Variants in SYNDIG1 observed in about 807,000 individuals in gnomAD.
SYNDIG1 encodes the protein synapse differentiation inducing 1, also known as synapse differentiation-inducing gene protein 1.
In SYNDIG1, 9 loss-of-function variants were observed where a neutral mutation model predicts 19.4. The ratio of observed to expected loss-of-function variants is 0.46; its 90% CI spans 0.28 to 0.81. The LOEUF is 0.81. SYNDIG1 is among the 30% of genes least tolerant of loss of function. The probability of loss-of-function intolerance (pLI) is 0.12; values close to 1 mark genes in which losing one functional copy is unlikely to be tolerated. For missense variants in SYNDIG1, 311 were observed against 343.3 expected (o/e 0.91, Z 0.74); for synonymous variants, 141 against 145.9 (o/e 0.97, Z 0.24).
chr20:24,606,634 A>G (rs1033502996), intron 3 of SYNDIG1, among the ~76,000 whole-genome samples: 1 of 152,252 alleles, frequency 6.6e-6, no homozygotes, highest in African/African-American at 2.4e-5. Context: ...ACTGTAGCCC[A>G]GTTAATCCTT....
chr20:24,648,404 G>A (rs6049829), intron 3 of SYNDIG1, among the ~76,000 whole-genome samples: 100,628 of 152,170 alleles, frequency 0.66, 35,031 homozygotes, highest in African/African-American at 0.88. Flanking sequence ...TGTCCACTCT[G>A]ACTACTGAAT....
intron 3 of SYNDIG1, among the ~76,000 whole-genome samples, chr20:24,653,677 T>G (rs1364197917): frequency 6.6e-6 from 1 of 152,186 alleles, no homozygotes; most frequent in Non-Finnish European, 1.5e-5. Flanking sequence ...TGTCTCTATG[T>G]TAGTCTTCTA....
intron 1 of SYNDIG1, among the ~76,000 whole-genome samples, chr20:24,519,589 T>G (rs1268853579): frequency 6.6e-6 from 1 of 152,152 alleles, no homozygotes; most frequent in Non-Finnish European, 1.5e-5. Context: ...TCAAGTTTCT[T>G]TTTTACCCTC....
chr20:24,482,862 G>A (rs200706345), intron 1 of SYNDIG1, among the ~76,000 whole-genome samples: 1 of 152,300 alleles, frequency 6.6e-6, no homozygotes, highest in East Asian at 1.9e-4. Flanking sequence ...GTTATTCTCT[G>A]AGAGTTTAAA....
intron 3 of SYNDIG1, among the ~76,000 whole-genome samples, chr20:24,651,926 C>T (rs2059477997): frequency 6.6e-6 from 1 of 152,240 alleles, no homozygotes; most frequent in African/African-American, 2.4e-5. Context: ...GGAGCCATCT[C>T]AGGCACCCCA....
At chr20:24,556,051 G>A (rs562929797) in intron 2 of SYNDIG1, among the ~76,000 whole-genome samples, 191 of 152,110 alleles carry the variant, frequency 1.3e-3, no homozygotes, top group African/African-American at 4.4e-3. Context: ...TCCCTTTACC[G>A]TTACGTAATG....
intron 3 of SYNDIG1, among the ~76,000 whole-genome samples, chr20:24,629,614 A>G (rs2059210275): frequency 6.6e-6 from 1 of 151,960 alleles, no homozygotes; most frequent in African/African-American, 2.4e-5. Context: ...AAATAAGCCA[A>G]GGAAAGGAAG....
chr20:24,626,778 T>C (rs1490883543), intron 3 of SYNDIG1, among the ~76,000 whole-genome samples: 1 of 152,238 alleles, frequency 6.6e-6, no homozygotes. Context: ...CACTCCAGCC[T>C]GGGCACCATT....
rs982625058 is a variant in SYNDIG1 at position 24,658,927 on chromosome 20, G to A, written c.619-6419G>A. ...GCCATGCCCCAAGTGCCATGTAGAC[G>A]CAGCAAGTGGCACAGCCGAGCAGCA... is the stretch of plus-strand genomic sequence containing the variant. On this transcript the variant is annotated intron_variant, in intron 3 of 3. Coordinates refer to ENST00000376862, the MANE Select transcript of SYNDIG1 (RefSeq NM_024893.3). The surrounding 1 kb of genome is among the most constrained non-coding windows in gnomAD (Gnocchi z 4.4). 4.6e-5 allele frequency among the ~76,000 whole-genome samples: 7 copies of A among 152,156 alleles called. No homozygotes were observed. The highest frequency in any genetic ancestry group is 1.0e-4 in the Non-Finnish European group (7 of 68,024).
At chr20:24,555,723 A>C (rs1391986591) in intron 2 of SYNDIG1, among the ~76,000 whole-genome samples, 1 of 152,092 alleles carries the variant, frequency 6.6e-6, no homozygotes, top group East Asian at 1.9e-4. Context: ...CTTTACTTCC[A>C]AGTATGTGGT....
chr20:24,639,993 T>C (rs2059354799), intron 3 of SYNDIG1, among the ~76,000 whole-genome samples: 1 of 152,228 alleles, frequency 6.6e-6, no homozygotes, highest in African/African-American at 2.4e-5. Flanking sequence ...TAACACTACA[T>C]ATTTTTTCAG....
At chr20:24,621,080 C>T (rs1452483364) in intron 3 of SYNDIG1, among the ~76,000 whole-genome samples, 1 of 152,100 alleles carries the variant, frequency 6.6e-6, no homozygotes, top group African/African-American at 2.4e-5. Flanking sequence ...GTTGATAATG[C>T]TAAATGATAG....
At chr20:24,587,274 T>C (rs892501744) in intron 3 of SYNDIG1, among the ~76,000 whole-genome samples, 2 of 152,214 alleles carry the variant, frequency 1.3e-5, no homozygotes, top group African/African-American at 4.8e-5. Flanking sequence ...TGTATTTCCC[T>C]GTGGTAAAAC....
rs1232052832 is a variant in SYNDIG1, at chr20:24,519,285, A to G, written c.-78-23735A>G. Among the ~76,000 whole-genome samples the G allele has an allele frequency of 2.0e-5, 3 of 152,260 alleles. No individual in the cohort carries two copies. The East Asian group carries it at 5.8e-4, about 29-fold the overall frequency. On this transcript the variant is annotated intron_variant, in intron 1 of 3. Transcript: ENST00000376862. ...GTCATTTCTGAACCTTTTGTAATAA[A>G]GAAACTGTGCTTCCATATTGAAGAA...
rs1409950897 is a variant in SYNDIG1, at chr20:24,658,629, C to A, written c.619-6717C>A. Among the ~76,000 whole-genome samples the A allele has an allele frequency of 6.6e-6, 1 of 151,492 alleles. No homozygotes were observed. Among genetic ancestry groups the A allele is most frequent in the Admixed American group, 6.6e-5 (1 of 15,244 alleles). ...ATGACCCCCCACCCCCACCCCCCGGCGATTCACTGAATGTGAAATAGATTC... is the reference window on the plus strand; with the variant it reads ...ATGACCCCCCACCCCCACCCCCCGGAGATTCACTGAATGTGAAATAGATTC... On this transcript the variant is annotated intron_variant, in intron 3 of 3. Transcript: ENST00000376862. The surrounding 1 kb of genome is among the most constrained non-coding windows in gnomAD (Gnocchi z 4.4).
intron 1 of SYNDIG1, among the ~76,000 whole-genome samples, chr20:24,529,889 GGT>G (rs2057209218): frequency 1.3e-5 from 2 of 148,226 alleles, no homozygotes; most frequent in Non-Finnish European, 3.0e-5. Context: ...TGGTGATGGT[GGT>G]GAGGGTGATG....
At chr20:24,573,647 A>G (rs1568652954) in intron 2 of SYNDIG1, among the ~76,000 whole-genome samples, 1 of 152,240 alleles carries the variant, frequency 6.6e-6, no homozygotes, top group African/African-American at 2.4e-5. Context: ...GCTTTGGCCC[A>G]CCCTGTCATT....
At chr20:24,577,417 C>T (rs928298413) in intron 2 of SYNDIG1, among the ~76,000 whole-genome samples, 3 of 152,250 alleles carry the variant, frequency 2.0e-5, no homozygotes, top group African/African-American at 7.2e-5. Flanking sequence ...GGTGCAGGTG[C>T]TGGAGGATGG....
chr20:24,474,771 A>G (rs1461821693), intron 1 of SYNDIG1, among the ~76,000 whole-genome samples: 2 of 152,226 alleles, frequency 1.3e-5, no homozygotes, highest in Non-Finnish European at 2.9e-5. Flanking sequence ...TAGGTCTCCA[A>G]CAAGTTCAGT....
Sources: allele counts gnomAD v4.1 joint callset (sites outside exome capture counted in the v4.1 genomes callset), GRCh38; gene constraint gnomAD v4.1.1; non-coding constraint Gnocchi (gnomAD v3.1); transcripts MANE v1.5; gene names NCBI Gene and HGNC (gene_info 2026-07-23, HGNC 2026-07-21).